The following EEA1 variants were observed in gnomAD, a reference collection of about 807,000 sequenced individuals.
EEA1 encodes early endosome antigen 1, also known as early endosome antigen 1, 162kD.
EEA1 carries 111 observed loss-of-function variants against 209.2 expected under a neutral mutation model. That is an observed-to-expected ratio of 0.53 (90% CI 0.45 to 0.62). The LOEUF (loss-of-function observed/expected upper bound fraction) is 0.62, where lower values mean the gene tolerates loss of function less well. Among genes scored for constraint, EEA1 ranks in the 20% least tolerant of loss-of-function variants. The pLI, the probability that EEA1 is intolerant of heterozygous loss-of-function variation, is 0.00. For synonymous variants in EEA1, 536 were observed against 540.6 expected (o/e 0.99, Z 0.12); for missense variants, 1,343 against 1,530.8 (o/e 0.88, Z 2.05).
intron 2 of EEA1, among the ~76,000 whole-genome samples, chr12:92,881,352 C>T (rs1402008786): frequency 2.6e-5 from 4 of 151,780 alleles, no homozygotes; most frequent in African/African-American, 7.3e-5. Flanking sequence ...CCCGGGAGAT[C>T]GAGCAGTGAT....
intron 13 of EEA1, among the ~76,000 whole-genome samples, chr12:92,820,776 C>T (rs531040377): frequency 8.8e-5 from 13 of 147,588 alleles, no homozygotes; most frequent in East Asian, 7.8e-4. Flanking sequence ...TATATATATA[C>T]ACACACACAC....
Position 92,929,132 on chromosome 12 carries a change from C to T in EEA1, c.-66G>A. On this transcript the variant is annotated 5_prime_UTR_variant, in exon 1 of 29. Coordinates refer to ENST00000322349, the MANE Select transcript of EEA1 (RefSeq NM_003566.4). ...ACCCTGCGCGGGGCCACTCACTACT[C>T]GGGGTGCGCGGGCGGGAGGGACTGG... The T allele has an allele frequency of 2.9e-6, 4 of 1,401,318 alleles. No individual in the cohort carries two copies. Among genetic ancestry groups the T allele is most frequent in the African/African-American group, 1.5e-5 (1 of 66,950 alleles). The allele number at this position is 1,401,318 out of a possible 1,614,324, so 86.8% of individuals were successfully genotyped here.
chr12:92,898,954 G>GA (rs80168486), intron 1 of EEA1, among the ~76,000 whole-genome samples: 174 of 129,138 alleles, frequency 1.3e-3, no homozygotes, highest in South Asian at 7.6e-3. Flanking sequence ...ACTCATGAGT[G>GA]AAAAAAAAAA....
intron 15 of EEA1, 63 bp from the exon 16 acceptor site, chr12:92,813,156 G>T: frequency 9.6e-7 from 1 of 1,046,934 alleles, no homozygotes; most frequent in Non-Finnish European, 1.4e-6. Flanking sequence ...TTGCTTGAAC[G>T]CACACTCCTT....
In EEA1 at chr12:92,772,471, T is replaced by C. The variant is rs1180048540; in HGVS notation, c.*3540A>G. On this transcript the variant is annotated 3_prime_UTR_variant, in exon 29 of 29. Transcript: ENST00000322349. ...AAATGGTTAATACAGTGTTCTCTCTTTTGTTAGACAAAACAATTTATAGTC... is the reference window on the plus strand; with the variant it reads ...AAATGGTTAATACAGTGTTCTCTCTCTTGTTAGACAAAACAATTTATAGTC... 1 of 151,876 alleles carries C rather than the reference T, an allele frequency of 6.6e-6. No homozygotes were observed. The allele number at this position is 151,876 out of a possible 1,614,324, so 9.4% of individuals were successfully genotyped here.
intron 21 of EEA1, among the ~76,000 whole-genome samples, chr12:92,791,395 C>T (rs188330759): frequency 4.1e-4 from 62 of 152,128 alleles, no homozygotes; most frequent in African/African-American, 1.2e-3. Flanking sequence ...CATGCAAAGA[C>T]GCATATAGGC....
chr12:92,853,164 GAAATT>G (rs1877713524), intron 6 of EEA1, 139 bp from the exon 7 acceptor site: 3 of 519,500 alleles, frequency 5.8e-6, no homozygotes, highest in Non-Finnish European at 1.0e-5. Context: ...GACACTTCAA[GAAATT>G]AAGTATATCT....
intron 19 of EEA1, 149 bp from the exon 20 acceptor site, chr12:92,801,850 A>T: frequency 2.0e-6 from 1 of 492,264 alleles, no homozygotes; most frequent in East Asian, 3.6e-5. Flanking sequence ...TCAATGATAA[A>T]ACTAGGAAAA....
intron 1 of EEA1, among the ~76,000 whole-genome samples, chr12:92,908,088 C>T (rs1255913872): frequency 3.3e-5 from 5 of 152,166 alleles, no homozygotes; most frequent in African/African-American, 1.2e-4. Context: ...TGTCTGTCAA[C>T]GGATGAATGG....
At position 92,776,895 on chromosome 12, in the gene EEA1, T is replaced by G; in HGVS notation, c.4062A>C (p.Glu1354Asp). The G allele has an allele frequency of 6.2e-7, 1 of 1,612,106 alleles. No homozygotes were observed. The highest frequency in any genetic ancestry group is 8.5e-7 in the Non-Finnish European group (1 of 1,178,536). The change falls in exon 28 of 29, where the codon GAA (glutamate) becomes GAC (aspartate). Residue 1354 changes from glutamate to aspartate, a missense_variant. This residue lies in a region of EEA1 where 1,307 missense variants were observed against 1,465.5 expected (regional missense o/e 0.89). Coordinates refer to ENST00000322349, the MANE Select transcript of EEA1 (RefSeq NM_003566.4). ...TCCCACAGGCCATACAGTTTTGTACTTCATTGTCTTCGGCCCACTTTCTAT... is the reference window on the plus strand; with the variant it reads ...TCCCACAGGCCATACAGTTTTGTACGTCATTGTCTTCGGCCCACTTTCTAT... ...ALNRKWAEDN[E>D]VQNCMACGKG...
chr12:92,887,612 C>T (rs567929983), intron 2 of EEA1, among the ~76,000 whole-genome samples: 24 of 151,948 alleles, frequency 1.6e-4, no homozygotes, highest in African/African-American at 4.8e-4. Flanking sequence ...ACTATGACCA[C>T]GCTCCAGCCC....
intron 10 of EEA1, among the ~76,000 whole-genome samples, chr12:92,834,076 C>T (rs999073780): frequency 4.6e-5 from 7 of 151,990 alleles, no homozygotes; most frequent in Non-Finnish European, 1.0e-4. Flanking sequence ...GGTGGGGTGA[C>T]AGCAAAACCC....
chr12:92,858,754 G>T, intron 3 of EEA1: 1 of 765,378 alleles, frequency 1.3e-6, no homozygotes, highest in South Asian at 1.3e-5. Flanking sequence ...TGCCCTAAAG[G>T]AGAAAGTCAT....
At chr12:92,822,419 T>C (rs1202526706) in intron 13 of EEA1, among the ~76,000 whole-genome samples, 4 of 152,230 alleles carry the variant, frequency 2.6e-5, no homozygotes, top group African/African-American at 9.6e-5. Context: ...TTTACTGAAA[T>C]TATGTTTAGC....
chr12:92,855,346 T>C (rs560426859), intron 5 of EEA1, among the ~76,000 whole-genome samples: 1 of 151,462 alleles, frequency 6.6e-6, no homozygotes, highest in African/African-American at 2.4e-5. Flanking sequence ...AGGAGAATGC[T>C]GTGAACATGG....
chr12:92,928,840 C>T (rs533135387), intron 1 of EEA1, among the ~76,000 whole-genome samples: 61 of 151,174 alleles, frequency 4.0e-4, no homozygotes, highest in Non-Finnish European at 7.5e-4. Context: ...CGCGGGGCCA[C>T]CAGGGCTCTG....
At position 92,906,118 on chromosome 12, in the gene EEA1, G is replaced by T. The variant is rs1279452887; in HGVS notation, c.25-14397C>A. Reference sequence around the variant, plus strand: ...CTTTTTTTTTTTTTTCTGAGACAGGGTCTTACTCTGTCACCTAGGCTGGAG... The same window carrying T: ...CTTTTTTTTTTTTTTCTGAGACAGGTTCTTACTCTGTCACCTAGGCTGGAG... On this transcript the variant is annotated intron_variant, in intron 1 of 28. Transcript: ENST00000322349. Among the ~76,000 whole-genome samples, 3 of 147,948 alleles carry T rather than the reference G, an allele frequency of 2.0e-5. No homozygotes were observed. In the East Asian group the frequency reaches 5.9e-4, roughly 29 times the overall value.
At chr12:92,807,734 A>G (rs568594055) in intron 18 of EEA1, among the ~76,000 whole-genome samples, 233 of 152,186 alleles carry the variant, frequency 1.5e-3, no homozygotes, top group Non-Finnish European at 3.0e-3. Flanking sequence ...CAAGATGTCT[A>G]TGTTAAAAAC....
intron 1 of EEA1, among the ~76,000 whole-genome samples, chr12:92,914,344 G>A (rs1314799418): frequency 6.6e-6 from 1 of 152,070 alleles, no homozygotes. Context: ...CCATTGACCT[G>A]TGACTATTTT....
Sources: gnomAD v4.1 joint callset for allele counts (sites outside exome capture counted in the v4.1 genomes callset) on GRCh38, gnomAD v4.1.1 for gene constraint, gnomAD v4.1.1 regional missense constraint, MANE v1.5 for transcripts, NCBI Gene and HGNC (gene_info 2026-07-23, HGNC 2026-07-21) for gene names.